LDB2: variants seen among roughly 807,000 people sequenced by gnomAD.
LDB2 encodes LIM domain binding 2.
In LDB2, 12 loss-of-function variants were observed where a neutral mutation model predicts 44.3. The ratio of observed to expected loss-of-function variants is 0.27; its 90% CI spans 0.17 to 0.44. The LOEUF (loss-of-function observed/expected upper bound fraction) is 0.44, where lower values mean the gene tolerates loss of function less well. Ranked by LOEUF, LDB2 falls within the 20% of genes least tolerant of loss-of-function variation. The pLI is 1.00. For missense variants in LDB2, 344 were observed against 473.5 expected (o/e 0.73, Z 2.54); for synonymous variants, 164 against 174.8 (o/e 0.94, Z 0.49).
chr4:16,542,841 C>G (rs1303379600), intron 5 of LDB2, among the ~76,000 whole-genome samples: 1 of 151,772 alleles, frequency 6.6e-6, no homozygotes, highest in Non-Finnish European at 1.5e-5. Context: ...TTGTTACATA[C>G]GTATACATGT....
At position 16,745,221 on chromosome 4, in the gene LDB2, G is replaced by A. The variant is rs557478434; in HGVS notation, c.235+13937C>T. Among the ~76,000 whole-genome samples, 6 of 152,116 alleles carry A rather than the reference G, an allele frequency of 3.9e-5. No homozygotes were observed. The South Asian group carries it at 1.2e-3, about 32-fold the overall frequency. On this transcript the variant is annotated intron_variant, in intron 2 of 7. Transcript: ENST00000304523. Reference sequence around the variant, plus strand: ...GAGTATGTGATTTCCACAGAACAAGGCAGGCAGAAGGCCCTCCTCCTCTAC... The same window carrying A: ...GAGTATGTGATTTCCACAGAACAAGACAGGCAGAAGGCCCTCCTCCTCTAC...
chr4:16,885,155 A>G (rs909116563), intron 1 of LDB2, among the ~76,000 whole-genome samples: 7 of 30,846 alleles, frequency 2.3e-4, no homozygotes, highest in Admixed American at 1.5e-3. Context: ...TACCACTTCT[A>G]AAAAAAAAAA....
intron 5 of LDB2, among the ~76,000 whole-genome samples, chr4:16,540,653 C>A (rs1289179581): frequency 2.0e-5 from 3 of 152,134 alleles, no homozygotes; most frequent in Admixed American, 2.0e-4. Context: ...CTGTGACAAT[C>A]ATTTTGAAAA....
intron 1 of LDB2, among the ~76,000 whole-genome samples, chr4:16,868,191 A>G (rs1394199835): frequency 6.6e-6 from 1 of 152,170 alleles, no homozygotes; most frequent in African/African-American, 2.4e-5. Context: ...GCGTCAGTTG[A>G]GCCTGAGTAA....
chr4:16,844,505 T>C (rs945764889), intron 1 of LDB2, among the ~76,000 whole-genome samples: 1 of 152,184 alleles, frequency 6.6e-6, no homozygotes, highest in Admixed American at 6.5e-5. Context: ...GGTAAAGATA[T>C]TAAGGATTTG....
intron 1 of LDB2, among the ~76,000 whole-genome samples, chr4:16,782,425 A>G (rs1415741663): frequency 6.6e-6 from 1 of 150,570 alleles, no homozygotes. Context: ...ATCTTGGTTC[A>G]CTAAAACCTC....
chr4:16,812,329 T>A (rs887615416), intron 1 of LDB2, among the ~76,000 whole-genome samples: 3 of 152,124 alleles, frequency 2.0e-5, no homozygotes, highest in African/African-American at 7.2e-5. Context: ...CTCCTTTCCT[T>A]TTTCTCTTAA....
At chr4:16,649,572 T>G (rs890187723) in intron 2 of LDB2, among the ~76,000 whole-genome samples, 12 of 152,216 alleles carry the variant, frequency 7.9e-5, no homozygotes, top group African/African-American at 2.4e-4. Flanking sequence ...ACCAGAAATC[T>G]TGGGAGCTAC....
intron 5 of LDB2, among the ~76,000 whole-genome samples, chr4:16,530,043 C>T (rs762317703): frequency 1.3e-5 from 2 of 152,166 alleles, no homozygotes; most frequent in Non-Finnish European, 2.9e-5. Flanking sequence ...ATCACAAGTT[C>T]ACTCTGGGCC....
intron 2 of LDB2, among the ~76,000 whole-genome samples, chr4:16,647,987 C>T (rs559892738): frequency 2.0e-5 from 3 of 152,326 alleles, no homozygotes; most frequent in East Asian, 1.9e-4. Flanking sequence ...TCCCACAATG[C>T]ATCTCTAATC....
chr4:16,837,627 CCCAA>C (rs1470792198), intron 1 of LDB2, among the ~76,000 whole-genome samples: 1 of 152,196 alleles, frequency 6.6e-6, no homozygotes, highest in Non-Finnish European at 1.5e-5. Context: ...AGACACATAG[CCCAA>C]CCAACACCCA....
At chr4:16,804,032 T>G (rs2109779118) in intron 1 of LDB2, among the ~76,000 whole-genome samples, 1 of 152,338 alleles carries the variant, frequency 6.6e-6, no homozygotes, top group East Asian at 1.9e-4. Context: ...TTGAGTACTC[T>G]TAGAATATAA....
intron 2 of LDB2, among the ~76,000 whole-genome samples, chr4:16,649,617 A>G (rs575776043): frequency 2.7e-4 from 41 of 152,172 alleles, no homozygotes; most frequent in African/African-American, 9.4e-4. Flanking sequence ...CAGCTCTACC[A>G]CTCACTAGCC....
chr4:16,777,409 A>T (rs1025599766), intron 1 of LDB2, among the ~76,000 whole-genome samples: 1 of 151,998 alleles, frequency 6.6e-6, no homozygotes, highest in Non-Finnish European at 1.5e-5. Context: ...GAGATTGAAG[A>T]ACTGTGATGC....
At chr4:16,730,211 C>A (rs1020271050) in intron 2 of LDB2, among the ~76,000 whole-genome samples, 2 of 152,104 alleles carry the variant, frequency 1.3e-5, no homozygotes, top group Non-Finnish European at 2.9e-5. Context: ...CTTGAGATTC[C>A]CAGAGTCCAT....
intron 2 of LDB2, among the ~76,000 whole-genome samples, chr4:16,672,790 A>G (rs921973096): frequency 6.6e-6 from 1 of 152,012 alleles, no homozygotes; most frequent in Admixed American, 6.6e-5. Context: ...GTTTTCTTCA[A>G]GGGAAGAGAA....
At chr4:16,623,765 TACACACAC>T (rs35051593) in intron 2 of LDB2, among the ~76,000 whole-genome samples, 1 of 146,806 alleles carries the variant, frequency 6.8e-6, no homozygotes, top group East Asian at 2.1e-4. Context: ...GAAATATACA[TACACACAC>T]ACACACACAC....
chr4:16,741,500 G>A (rs952166927), intron 2 of LDB2: 1 of 152,346 alleles, frequency 6.6e-6, no homozygotes, highest in African/African-American at 2.4e-5. Context: ...CCTCCAGAGG[G>A]AACTAGGGAA....
At chr4:16,761,777 T>G (rs1767978392) in intron 1 of LDB2, among the ~76,000 whole-genome samples, 1 of 152,178 alleles carries the variant, frequency 6.6e-6, no homozygotes, top group Admixed American at 6.6e-5. Context: ...GCCCTTTCCC[T>G]GCCTCTGTCT....
Sources: gnomAD v4.1 joint callset for allele counts (sites outside exome capture counted in the v4.1 genomes callset) on GRCh38, gnomAD v4.1.1 for gene constraint, MANE v1.5 for transcripts, NCBI Gene and HGNC (gene_info 2026-07-23, HGNC 2026-07-21) for gene names.